Variants in SCOC observed in about 807,000 individuals in gnomAD.
SCOC encodes short coiled-coil protein, also known as short coiled coil protein.
A neutral mutation model predicts 9.9 loss-of-function variants in SCOC; 7 were observed. That is an observed-to-expected ratio of 0.71 (90% CI 0.40 to 1.33). The LOEUF is 1.33. Among genes scored for constraint, SCOC ranks in the 40% most tolerant of loss-of-function variants. SCOC has a pLI of 0.01. For synonymous variants in SCOC, 19 were observed against 28.2 expected (o/e 0.67, Z 1.03); for missense variants, 66 against 89.7 (o/e 0.74, Z 1.07).
At chr4:140,338,337 A>T (rs1452678200) in intron 1 of SCOC, among the ~76,000 whole-genome samples, 1 of 152,220 alleles carries the variant, frequency 6.6e-6, no homozygotes. Context: ...CCCACAACCA[A>T]TATCATACTG....
At chr4:140,303,383 A>G (rs1731868972) in intron 1 of SCOC, among the ~76,000 whole-genome samples, 1 of 152,234 alleles carries the variant, frequency 6.6e-6, no homozygotes, top group African/African-American at 2.4e-5. Context: ...GACAATGCCT[A>G]TATGAGAGTG....
At chr4:140,303,076 T>TG in intron 1 of SCOC, among the ~76,000 whole-genome samples, 1 of 152,292 alleles carries the variant, frequency 6.6e-6, no homozygotes, top group East Asian at 1.9e-4. Context: ...ACATGGGATG[T>TG]GGGTCCTGAA....
At position 140,258,024 on chromosome 4, in the gene SCOC, A is replaced by G. The variant is rs1457784658; in HGVS notation, c.-19+614A>G. On this transcript the variant is annotated intron_variant, in intron 1 of 4. Coordinates refer to the SCOC transcript ENST00000394205. ...CAGACAGTTCTTGCCTCTTCTTTCC[A>G]CTGCTGACTGCTGTTCCTCACATAG... 4.6e-5 allele frequency among the ~76,000 whole-genome samples: 7 copies of G among 152,076 alleles called. No individual in the cohort carries two copies. The East Asian group carries it at 1.4e-3, about 29-fold the overall frequency.
Position 140,282,357 on chromosome 4 carries a change from T to A in SCOC, c.-19+24947T>A, listed in dbSNP as rs186027169. ...ATGAACCACAGTAATCATGAATTGCTAACATGAATGTGCCCCACTTTAAGA... is the reference window on the plus strand; with the variant it reads ...ATGAACCACAGTAATCATGAATTGCAAACATGAATGTGCCCCACTTTAAGA... On this transcript the variant is annotated intron_variant, in intron 1 of 4. Coordinates refer to the SCOC transcript ENST00000394205. Among the ~76,000 whole-genome samples, 428 of 152,288 alleles carry A rather than the reference T, an allele frequency of 2.8e-3. 4 individuals are homozygous for A. Among genetic ancestry groups the A allele is most frequent in the Non-Finnish European group, 2.8e-3 (189 of 68,020 alleles).
At chr4:140,339,565 A>G (rs1186028180), upstream of SCOC, among the ~76,000 whole-genome samples, 2 of 152,260 alleles carry the variant, frequency 1.3e-5, no homozygotes, top group East Asian at 3.8e-4. Context: ...ACAAAGGGCT[A>G]ATATCCAGAA....
At chr4:140,344,491 G>T (rs560099684) in intron 2 of SCOC, among the ~76,000 whole-genome samples, 1 of 152,150 alleles carries the variant, frequency 6.6e-6, no homozygotes, top group African/African-American at 2.4e-5. Flanking sequence ...ATACAGCCAC[G>T]CTTCTCCACT....
chr4:140,281,277 G>A (rs1427425646), intron 1 of SCOC, among the ~76,000 whole-genome samples: 1 of 147,544 alleles, frequency 6.8e-6, no homozygotes, highest in Non-Finnish European at 1.5e-5. Flanking sequence ...ACAGGTGTGG[G>A]GAGAGAGGCC....
intron 1 of SCOC, among the ~76,000 whole-genome samples, chr4:140,334,854 C>T (rs1331884577): frequency 6.6e-6 from 1 of 152,134 alleles, no homozygotes; most frequent in Non-Finnish European, 1.5e-5. Flanking sequence ...GTAATCCCAG[C>T]ACTTTGAGAG....
intron 1 of SCOC, among the ~76,000 whole-genome samples, chr4:140,272,280 C>T (rs1462369926): frequency 4.6e-5 from 7 of 150,992 alleles, no homozygotes; most frequent in Non-Finnish European, 7.4e-5. Context: ...GTCCCAAACT[C>T]TTACGCTCAA....
At chr4:140,274,505 G>A (rs1730931821) in intron 1 of SCOC, among the ~76,000 whole-genome samples, 1 of 152,198 alleles carries the variant, frequency 6.6e-6, no homozygotes, top group South Asian at 2.1e-4. Context: ...CTATGTAGAA[G>A]AGGTGCCAGT....
At chr4:140,355,226 TATA>T (rs1245164711) in intron 2 of SCOC, among the ~76,000 whole-genome samples, 44 of 122,096 alleles carry the variant, frequency 3.6e-4, no homozygotes, top group African/African-American at 9.3e-4. Context: ...TATATATATA[TATA>T]TATATATATA....
At position 140,373,651 on chromosome 4, in the gene SCOC, T is replaced by C. The variant is rs370014523; in HGVS notation, c.-117T>C. The stretch of plus-strand genomic sequence containing the variant: ...GAGTGGGCGGAGCTGCCGGGGTCAG[T>C]TGGTCCAAGTGTCCCGGCCTGAGGT... On this transcript the variant is annotated 5_prime_UTR_variant, in exon 1 of 4. Transcript: ENST00000608372. 12 of 1,551,504 alleles carry C rather than the reference T, an allele frequency of 7.7e-6. No individual in the cohort carries two copies. The highest frequency in any genetic ancestry group is 1.4e-5 in the African/African-American group (1 of 73,150).
intron 3 of SCOC, among the ~76,000 whole-genome samples, chr4:140,380,194 C>CTTTTTTTTTTTTTTT (rs993271002): frequency 2.8e-5 from 3 of 108,412 alleles, no homozygotes; most frequent in Non-Finnish European, 3.7e-5. Flanking sequence ...TTTTCTTTTT[C>CTTTTTTTTTTTTTTT]TTTTTTTTTT....
At chr4:140,346,759 T>C (rs2126519159) in intron 2 of SCOC, among the ~76,000 whole-genome samples, 1 of 152,256 alleles carries the variant, frequency 6.6e-6, no homozygotes, top group South Asian at 2.1e-4. Flanking sequence ...ACATTACAAA[T>C]GATAGGATTC....
chr4:140,284,872 CTT>C, intron 1 of SCOC: 1 of 170,382 alleles, frequency 5.9e-6, no homozygotes, highest in Admixed American at 6.0e-5. Context: ...TTTTTAAATT[CTT>C]GTTATAATTA....
intron 1 of SCOC, among the ~76,000 whole-genome samples, chr4:140,375,858 A>T (rs1728320737): frequency 6.6e-6 from 1 of 152,194 alleles, no homozygotes; most frequent in African/African-American, 2.4e-5. Context: ...TCAGCGAACC[A>T]TGTCCATTTC....
chr4:140,270,315 G>C (rs1192823701), intron 1 of SCOC, among the ~76,000 whole-genome samples: 1 of 151,760 alleles, frequency 6.6e-6, no homozygotes, highest in Non-Finnish European at 1.5e-5. Context: ...AATTTGTTAG[G>C]GTTATTTATT....
intron 2 of SCOC, among the ~76,000 whole-genome samples, chr4:140,360,257 C>T (rs1293260013): frequency 1.3e-5 from 2 of 152,030 alleles, no homozygotes; most frequent in Non-Finnish European, 2.9e-5. Context: ...TGATTTTGAA[C>T]CAATTTTGCC....
intron 1 of SCOC, among the ~76,000 whole-genome samples, chr4:140,307,036 G>A (rs1732011247): frequency 6.6e-6 from 1 of 152,088 alleles, no homozygotes; most frequent in African/African-American, 2.4e-5. Context: ...GATTAATGGG[G>A]TCTGTGCTCT....
Sources: gnomAD v4.1 joint callset for allele counts (sites outside exome capture counted in the v4.1 genomes callset) on GRCh38, gnomAD v4.1.1 for gene constraint, MANE v1.5 for transcripts, NCBI Gene and HGNC (gene_info 2026-07-23, HGNC 2026-07-21) for gene names.